AOX1: variants seen among roughly 807,000 people sequenced by gnomAD.
AOX1 encodes aldehyde oxidase.
A neutral mutation model predicts 169.5 loss-of-function variants in AOX1; 153 were observed. That is an observed-to-expected ratio of 0.90 (90% CI 0.79 to 1.03). AOX1 has a LOEUF of 1.03. Ranked by LOEUF, AOX1 falls within the 50% of genes least tolerant of loss-of-function variation. The pLI, the probability that AOX1 is intolerant of heterozygous loss-of-function variation, is 0.00. For synonymous variants in AOX1, 562 were observed against 581.9 expected (o/e 0.97, Z 0.49); for missense variants, 1,656 against 1,663.9 (o/e 1.00, Z 0.08).
chr2:200,649,608 C>T (rs1038154404), intron 25 of AOX1, among the ~76,000 whole-genome samples: 5 of 152,196 alleles, frequency 3.3e-5, no homozygotes, highest in Non-Finnish European at 7.3e-5. Context: ...TCCTGCCTCC[C>T]GTCCGCCATG....
chr2:200,670,750 G>T lies in AOX1; in HGVS notation c.*71G>T. 8.3e-7 allele frequency: 1 copy of T among 1,211,548 alleles called. No homozygotes were observed. Among genetic ancestry groups the T allele is most frequent in the Non-Finnish European group, 1.2e-6 (1 of 828,510 alleles). 75.0% of individuals were successfully genotyped at this position (1,211,548 alleles called of 1,614,324 possible). On this transcript the variant is annotated 3_prime_UTR_variant, in exon 35 of 35. Coordinates refer to ENST00000374700, the MANE Select transcript of AOX1 (RefSeq NM_001159.4). Reference sequence around the variant, plus strand: ...GGCAATCTGTCCTATCTCTGTGCTGGAAGATGCTAGATCTGAAAGACAGAG... The same window carrying T: ...GGCAATCTGTCCTATCTCTGTGCTGTAAGATGCTAGATCTGAAAGACAGAG...
Position 200,621,182 on chromosome 2 carries a change from A to G in AOX1, c.1937A>G (p.His646Arg), listed in dbSNP as rs1354466784. 3 of 1,614,062 alleles carry G rather than the reference A, an allele frequency of 1.9e-6. No homozygotes were observed. Among genetic ancestry groups the G allele is most frequent in the Non-Finnish European group, 2.5e-6 (3 of 1,180,016 alleles). Residue 646 changes from histidine (H) to arginine (R), a missense_variant, in exon 18 of 35, where the codon CAT becomes CGT. By Grantham distance (29) the His-to-Arg change is conservative. Coordinates refer to ENST00000374700, the MANE Select transcript of AOX1 (RefSeq NM_001159.4). ...PGVVDIMTAE[H>R]LSDVNSFCFF... ...GTGGTGGACATCATGACAGCAGAAC[A>G]TCTTAGTGACGTCAACTCCTTCTGC...
intron 5 of AOX1, among the ~76,000 whole-genome samples, chr2:200,600,478 G>GT (rs201581221): frequency 6.6e-6 from 1 of 151,440 alleles, no homozygotes; most frequent in Non-Finnish European, 1.5e-5. Flanking sequence ...TATGTGGCGG[G>GT]GGGGGACATC....
chr2:200,595,190 G>T, intron 2 of AOX1, 82 bp from the exon 3 acceptor site: 1 of 945,172 alleles, frequency 1.1e-6, no homozygotes, highest in Non-Finnish European at 1.6e-6. Flanking sequence ...AAGAGTCTGT[G>T]ATATTACTGT....
intron 24 of AOX1, 123 bp from the exon 25 acceptor site, chr2:200,642,487 A>G (rs2035370795): frequency 4.6e-6 from 3 of 654,944 alleles, no homozygotes; most frequent in South Asian, 4.4e-5. Flanking sequence ...GCATGGGAAT[A>G]TTTTAGCATG....
intron 25 of AOX1, among the ~76,000 whole-genome samples, chr2:200,645,102 T>C (rs892539051): frequency 9.2e-5 from 14 of 152,100 alleles, no homozygotes; most frequent in African/African-American, 2.4e-4. Flanking sequence ...GTGGTGAGAG[T>C]GGGCCTCCTT....
chr2:200,628,566 G>T (rs549215278), intron 20 of AOX1, among the ~76,000 whole-genome samples: 1 of 152,162 alleles, frequency 6.6e-6, no homozygotes, highest in East Asian at 1.9e-4. Context: ...TCAGAGCAGA[G>T]AAATCATCCG....
chr2:200,668,241 A>T (rs1208071871), intron 32 of AOX1, among the ~76,000 whole-genome samples: 1 of 151,626 alleles, frequency 6.6e-6, no homozygotes, highest in East Asian at 1.9e-4. Flanking sequence ...GAGTAGCTGG[A>T]ATTATAGGCA....
chr2:200,612,835 A>AAG, intron 14 of AOX1, 42 bp downstream of exon 14: 1 of 1,537,034 alleles, frequency 6.5e-7, no homozygotes. Context: ...ACTTGTCCTT[A>AAG]GACTCCAAGT....
intron 1 of AOX1, among the ~76,000 whole-genome samples, chr2:200,592,569 A>C (rs1344651207): frequency 4.6e-5 from 7 of 152,158 alleles, no homozygotes; most frequent in African/African-American, 1.4e-4. Context: ...GCTCCCATGA[A>C]CTTGCCTAAG....
intron 18 of AOX1, among the ~76,000 whole-genome samples, chr2:200,622,929 T>G (rs779171855): frequency 6.6e-6 from 1 of 152,236 alleles, no homozygotes; most frequent in Non-Finnish European, 1.5e-5. Context: ...TCAACAGTTA[T>G]CAACACGTTA....
At chr2:200,609,833 T>A (rs1328700225) in intron 12 of AOX1, among the ~76,000 whole-genome samples, 2 of 152,220 alleles carry the variant, frequency 1.3e-5, no homozygotes, top group Non-Finnish European at 2.9e-5. Flanking sequence ...AACATACAGG[T>A]CTTTTTCAGG....
rs745607427 is a variant in AOX1 at position 200,613,003 on chromosome 2, C to CGTGTGTGTGTGT, written c.1448+224_1448+235dup. ...AAGTGGGAATTATATACTCTGTGTG[C>CGTGTGTGTGTGT]GTGTGTGTGTGTGTGTGTGTGTGTG... On this transcript the variant is annotated intron_variant, in intron 14 of 34. Transcript: ENST00000374700. Among the ~76,000 whole-genome samples, 19 of 144,224 alleles carry CGTGTGTGTGTGT rather than the reference C, an allele frequency of 1.3e-4. No individual in the cohort carries two copies. The South Asian group carries it at 1.8e-3, about 14-fold the overall frequency. 94.6% of individuals were successfully genotyped at this position (144,224 alleles called of 152,430 possible).
intron 29 of AOX1, among the ~76,000 whole-genome samples, chr2:200,661,251 C>G (rs1410192555): frequency 2.0e-5 from 3 of 152,204 alleles, no homozygotes; most frequent in Non-Finnish European, 4.4e-5. Flanking sequence ...GCCAACCAAG[C>G]ATTGTTTTCT....
chr2:200,652,030 G>C (rs2105759193), intron 26 of AOX1, among the ~76,000 whole-genome samples: 1 of 152,298 alleles, frequency 6.6e-6, no homozygotes, highest in South Asian at 2.1e-4. Flanking sequence ...CTTGGTTGGA[G>C]TCATGAAGAA....
intron 10 of AOX1, among the ~76,000 whole-genome samples, 181 bp from the exon 11 acceptor site, chr2:200,608,803 A>G (rs1367807920): frequency 6.6e-6 from 1 of 151,686 alleles, no homozygotes; most frequent in African/African-American, 2.4e-5. Context: ...CCTCACCACC[A>G]CTTTCATTAC....
At chr2:200,631,796 C>T (rs185812289) in intron 20 of AOX1, among the ~76,000 whole-genome samples, 67 of 152,218 alleles carry the variant, frequency 4.4e-4, no homozygotes, top group Admixed American at 8.5e-4. Context: ...AAAATAAATT[C>T]TGAGTGGATA....
chr2:200,670,668 G>C lies in AOX1; in HGVS notation c.4006G>C (p.Val1336Leu), dbSNP rs1279464507. 1 of 1,612,294 alleles carries C rather than the reference G, an allele frequency of 6.2e-7. No homozygotes were observed. Among genetic ancestry groups the C allele is most frequent in the Non-Finnish European group, 8.5e-7 (1 of 1,179,106 alleles). The change falls in exon 35 of 35, where the codon GTA (valine) becomes CTA (leucine). Residue 1336 changes from valine to leucine, a missense_variant. Physicochemically the swap from Val to Leu is conservative, Grantham distance 32 (BLOSUM62 1). Coordinates refer to ENST00000374700, the MANE Select transcript of AOX1 (RefSeq NM_001159.4). ...DEPGSYVPWN[V>L]PI ...ACCTGGATCCTACGTTCCTTGGAAT[G>C]TACCCATCTGAATCAAATGCAAACT...
Position 200,638,252 on chromosome 2 carries a change from G to A in AOX1, c.2518G>A (p.Glu840Lys), listed in dbSNP as rs2035279388. 6.2e-7 allele frequency: 1 copy of A among 1,613,692 alleles called. No individual in the cohort carries two copies. The highest frequency in any genetic ancestry group is 1.1e-5 in the South Asian group (1 of 91,082). Residue 840 changes from glutamate (E) to lysine (K), a missense_variant, in exon 23 of 35, where the codon GAA becomes AAA. By Grantham distance (56) the Glu-to-Lys change is moderately conservative. Coordinates refer to ENST00000374700, the MANE Select transcript of AOX1 (RefSeq NM_001159.4). ...RAVRCVLERG[E>K]DMLITGGRHP... ...AGTTCGCTGTGTTCTGGAACGAGGAGAAGACATGTTAATAACTGGAGGCCG... is the reference window on the plus strand; with the variant it reads ...AGTTCGCTGTGTTCTGGAACGAGGAAAAGACATGTTAATAACTGGAGGCCG...
Sources: gnomAD v4.1 joint callset for allele counts (sites outside exome capture counted in the v4.1 genomes callset) on GRCh38, gnomAD v4.1.1 for gene constraint, MANE v1.5 for transcripts, NCBI Gene and HGNC (gene_info 2026-07-23, HGNC 2026-07-21) for gene names.